The following CHRM3 variants were observed in gnomAD, a reference collection of about 807,000 sequenced individuals.
CHRM3 encodes muscarinic acetylcholine receptor M3.
A neutral mutation model predicts 41.8 loss-of-function variants in CHRM3; 11 were observed. The ratio of observed to expected loss-of-function variants is 0.26; its 90% CI spans 0.17 to 0.44. CHRM3 has a LOEUF of 0.44. CHRM3 is among the 20% of genes least tolerant of loss of function. CHRM3 has a pLI of 1.00. For missense variants in CHRM3, 571 were observed against 745.4 expected, an observed-to-expected ratio of 0.77 and a Z score of 2.72; for synonymous variants, 297 against 301.4, an observed-to-expected ratio of 0.99 and a Z score of 0.15.
At chr1:239,392,646 T>C (rs1213725747) in intron 1 of CHRM3, among the ~76,000 whole-genome samples, 1 of 152,262 alleles carries the variant, frequency 6.6e-6, no homozygotes, top group Non-Finnish European at 1.5e-5. Context: ...ACCAAGTGTG[T>C]ACTTCCCTGC....
intron 1 of CHRM3, among the ~76,000 whole-genome samples, chr1:239,405,117 A>C (rs1044418545): frequency 6.6e-6 from 1 of 152,194 alleles, no homozygotes; most frequent in East Asian, 1.9e-4. Context: ...ATAAATAAGT[A>C]AATTTCAAAA....
At chr1:239,583,016 T>C (rs1663045134) in intron 3 of CHRM3, among the ~76,000 whole-genome samples, 2 of 152,192 alleles carry the variant, frequency 1.3e-5, no homozygotes, top group Admixed American at 6.5e-5. Context: ...TGCTCACTCA[T>C]ACCTGTGCCT....
At chr1:239,396,217 T>C (rs916114835) in intron 1 of CHRM3, among the ~76,000 whole-genome samples, 1 of 152,192 alleles carries the variant, frequency 6.6e-6, no homozygotes, top group Non-Finnish European at 1.5e-5. Context: ...TGCCACAAAT[T>C]GTTTGAAATA....
chr1:239,915,328 T>C lies in CHRM3; in HGVS notation c.*6104T>C, dbSNP rs1471743294. On this transcript the variant is annotated 3_prime_UTR_variant, in exon 7 of 7. Coordinates refer to ENST00000676153, the MANE Select transcript of CHRM3 (RefSeq NM_001375978.1). ...TCAGGTGTGTCACAAACCATGTTCA[T>C]TTTTAATCTTGAAAAAGTCAATCGT... 1 of 167,114 alleles carries C rather than the reference T, an allele frequency of 6.0e-6. No individual in the cohort carries two copies. Among genetic ancestry groups the C allele is most frequent in the East Asian group, 1.9e-4 (1 of 5,200 alleles). 10.4% of individuals were successfully genotyped at this position (167,114 alleles called of 1,614,324 possible).
chr1:239,655,749 G>A (rs1259017026), intron 4 of CHRM3, among the ~76,000 whole-genome samples: 10 of 152,070 alleles, frequency 6.6e-5, no homozygotes, highest in Non-Finnish European at 2.9e-5. Context: ...TCCCCTGTAT[G>A]GGCAGTCTTT....
intron 5 of CHRM3, among the ~76,000 whole-genome samples, chr1:239,802,523 T>C (rs958828774): frequency 6.6e-6 from 1 of 152,194 alleles, no homozygotes; most frequent in Non-Finnish European, 1.5e-5. Context: ...TAAAACAGTA[T>C]ATCACATTTG....
At chr1:239,589,418 A>G (rs1663818823) in intron 3 of CHRM3, among the ~76,000 whole-genome samples, 1 of 151,516 alleles carries the variant, frequency 6.6e-6, no homozygotes, top group African/African-American at 2.4e-5. Context: ...AGCACTGTTC[A>G]TGAAAAAATC....
At chr1:239,806,981 T>A (rs1306922173) in intron 5 of CHRM3, among the ~76,000 whole-genome samples, 2 of 152,212 alleles carry the variant, frequency 1.3e-5, no homozygotes, top group Admixed American at 6.5e-5. Context: ...AATATTCTAC[T>A]TGTTCCTGGC....
chr1:239,510,122 C>G (rs1043920450), intron 2 of CHRM3, among the ~76,000 whole-genome samples: 3 of 152,120 alleles, frequency 2.0e-5, no homozygotes, highest in African/African-American at 7.2e-5. Context: ...GAAGTAAAAG[C>G]TATTTACCTT....
intron 3 of CHRM3, among the ~76,000 whole-genome samples, chr1:239,587,764 G>A (rs1296487731): frequency 6.6e-6 from 1 of 152,156 alleles, no homozygotes; most frequent in East Asian, 1.9e-4. Context: ...TTACAAAAGT[G>A]TAGTCTGGCC....
At chr1:239,757,781 T>C (rs1278617241) in intron 5 of CHRM3, among the ~76,000 whole-genome samples, 2 of 152,206 alleles carry the variant, frequency 1.3e-5, no homozygotes, top group African/African-American at 4.8e-5. Context: ...CAATAAACAT[T>C]TGGTAAATGA....
intron 6 of CHRM3, among the ~76,000 whole-genome samples, chr1:239,833,898 C>T (rs768884877): frequency 6.6e-6 from 1 of 152,152 alleles, no homozygotes; most frequent in Non-Finnish European, 1.5e-5. Context: ...CCACCTGTTC[C>T]TGCACTTCCT....
At chr1:239,807,087 A>G (rs896894115) in intron 5 of CHRM3, among the ~76,000 whole-genome samples, 9 of 152,222 alleles carry the variant, frequency 5.9e-5, no homozygotes, top group Admixed American at 2.0e-4. Flanking sequence ...CAAAAGCAAA[A>G]TGTGATGATT....
intron 1 of CHRM3, among the ~76,000 whole-genome samples, chr1:239,453,433 G>A (rs935503563): frequency 2.6e-5 from 4 of 152,032 alleles, no homozygotes; most frequent in Non-Finnish European, 5.9e-5. Context: ...CTTTAATATG[G>A]TTTCATCTAA....
chr1:239,855,215 T>C (rs1675007568), intron 6 of CHRM3, among the ~76,000 whole-genome samples: 1 of 152,114 alleles, frequency 6.6e-6, no homozygotes, highest in Non-Finnish European at 1.5e-5. Flanking sequence ...AATGGCTTTG[T>C]AATGGTCAGG....
At chr1:239,864,612 C>T (rs929321783) in intron 6 of CHRM3, among the ~76,000 whole-genome samples, 4 of 151,960 alleles carry the variant, frequency 2.6e-5, no homozygotes, top group African/African-American at 2.4e-5. Flanking sequence ...TTTTAACCCT[C>T]AAACTAGCAT....
intron 6 of CHRM3, among the ~76,000 whole-genome samples, chr1:239,882,284 G>A (rs978786971): frequency 2.6e-5 from 4 of 152,110 alleles, no homozygotes; most frequent in Non-Finnish European, 4.4e-5. Flanking sequence ...ATGCTAATTC[G>A]TAGTGGTGCC....
At chr1:239,796,565 G>A (rs1324985460) in intron 5 of CHRM3, among the ~76,000 whole-genome samples, 1 of 151,952 alleles carries the variant, frequency 6.6e-6, no homozygotes, top group Admixed American at 6.6e-5. Flanking sequence ...AGGCTCTCGT[G>A]GGTGTATACT....
At chr1:239,610,976 G>A (rs1013653637) in intron 3 of CHRM3, among the ~76,000 whole-genome samples, 7 of 152,032 alleles carry the variant, frequency 4.6e-5, no homozygotes, top group Admixed American at 3.3e-4. Context: ...CGCTTGAACC[G>A]GGAGGTAGAG....
Sources: gnomAD v4.1 joint callset for allele counts (sites outside exome capture counted in the v4.1 genomes callset) on GRCh38, gnomAD v4.1.1 for gene constraint, MANE v1.5 for transcripts, NCBI Gene and HGNC (gene_info 2026-07-23, HGNC 2026-07-21) for gene names.